The following AK4 variants were observed in gnomAD, a reference collection of about 807,000 sequenced individuals.
AK4 encodes adenylate kinase 4.
Under a neutral mutation model 24.6 loss-of-function variants are expected in AK4, and 13 were observed. The ratio of observed to expected loss-of-function variants is 0.53; its 90% confidence interval spans 0.34 to 0.84. AK4 has a LOEUF of 0.84. Among genes scored for constraint, AK4 ranks in the 40% least tolerant of loss-of-function variants. The pLI is 0.01. For missense variants in AK4, 192 were observed against 288.2 expected (o/e 0.67, Z 2.42); for synonymous variants, 88 against 107.0 (o/e 0.82, Z 1.10).
chr1:65,156,937 A>AAG (rs959013143), intron 1 of AK4, among the ~76,000 whole-genome samples: 10 of 151,970 alleles, frequency 6.6e-5, no homozygotes, highest in African/African-American at 2.4e-4. Context: ...AAAAAAAAAA[A>AAG]AAAGAAAGAA....
chr1:65,225,759 C>G (rs111320639), intron 4 of AK4, among the ~76,000 whole-genome samples: 29 of 152,078 alleles, frequency 1.9e-4, no homozygotes, highest in Non-Finnish European at 3.2e-4. Flanking sequence ...TTCAGTGGTT[C>G]GCTTTTGAAA....
chr1:65,224,713 A>G (rs1205895694), intron 3 of AK4, 39 bp from the exon 4 acceptor site: 9 of 1,554,300 alleles, frequency 5.8e-6, no homozygotes, highest in Admixed American at 1.7e-5. Context: ...AAATGGCCCA[A>G]CTGTTGTCTA....
intron 2 of AK4, 78 bp downstream of exon 2, chr1:65,190,907 G>T: frequency 1.4e-6 from 2 of 1,472,100 alleles, no homozygotes; most frequent in Non-Finnish European, 1.8e-6. Context: ...ACTTCTTACC[G>T]AATGGAAAAT....
rs1652649522 is a variant in AK4, at chr1:65,231,597, T to G, written c.*5420T>G. On this transcript the variant is annotated 3_prime_UTR_variant, in exon 5 of 5. Coordinates refer to ENST00000327299, the MANE Select transcript of AK4 (RefSeq NM_013410.4). The stretch of plus-strand genomic sequence containing the variant: ...ATTATTCTTGTCTTCATTTTAAAGC[T>G]TTGGCTATATAGTCAGAAATGTCCT... The G allele has an allele frequency of 6.6e-6, 1 of 152,200 alleles. No individual in the cohort carries two copies. Among genetic ancestry groups the G allele is most frequent in the Non-Finnish European group, 1.5e-5 (1 of 68,036 alleles). 9.4% of individuals were successfully genotyped at this position (152,200 alleles called of 1,614,324 possible).
intron 2 of AK4, among the ~76,000 whole-genome samples, chr1:65,201,305 C>T (rs533100181): frequency 4.6e-5 from 7 of 152,134 alleles, no homozygotes; most frequent in Admixed American, 2.0e-4. Context: ...GTCCTGCGTT[C>T]GTGTCCTCCA....
chr1:65,155,729 C>G (rs1255701365), intron 1 of AK4, among the ~76,000 whole-genome samples: 1 of 150,706 alleles, frequency 6.6e-6, no homozygotes, highest in African/African-American at 2.4e-5. Context: ...GTGGCGTGTT[C>G]TCGGCTCTTG....
intron 1 of AK4, among the ~76,000 whole-genome samples, chr1:65,173,486 C>T (rs933283558): frequency 1.3e-5 from 2 of 151,974 alleles, no homozygotes; most frequent in Non-Finnish European, 2.9e-5. Flanking sequence ...TTGCATACTT[C>T]CCTGTAATTT....
intron 1 of AK4, among the ~76,000 whole-genome samples, chr1:65,168,358 C>A (rs189730457): frequency 3.7e-4 from 57 of 152,220 alleles, no homozygotes; most frequent in Admixed American, 1.4e-3. Flanking sequence ...GTTGGTAAGT[C>A]TGGTCTTGAA....
chr1:65,176,384 A>G (rs1457253781), intron 1 of AK4, among the ~76,000 whole-genome samples: 1 of 152,288 alleles, frequency 6.6e-6, no homozygotes, highest in South Asian at 2.1e-4. Context: ...GGCCTCATGA[A>G]GCATTGGCCC....
At chr1:65,201,703 G>A (rs1332603220) in intron 2 of AK4, among the ~76,000 whole-genome samples, 2 of 152,144 alleles carry the variant, frequency 1.3e-5, no homozygotes, top group Non-Finnish European at 1.5e-5. Context: ...GATGGCTGGC[G>A]CAGAGAGGGA....
chr1:65,202,220 A>AC (rs34696356), intron 2 of AK4, among the ~76,000 whole-genome samples: 54,819 of 151,322 alleles, frequency 0.36, 10,289 homozygotes, highest in East Asian at 0.67. Context: ...ACACGGTGAG[A>AC]CCCCACCTCT....
chr1:65,188,308 T>C (rs1326415596), intron 1 of AK4, among the ~76,000 whole-genome samples: 1 of 151,664 alleles, frequency 6.6e-6, no homozygotes, highest in Non-Finnish European at 1.5e-5. Flanking sequence ...GGCAGGAGAA[T>C]CGCTTGAACC....
chr1:65,230,759 G>A lies in AK4; in HGVS notation c.*4582G>A, dbSNP rs921099846. On this transcript the variant is annotated 3_prime_UTR_variant, in exon 5 of 5. Coordinates refer to ENST00000327299, the MANE Select transcript of AK4 (RefSeq NM_013410.4). ...GCCTGGAATCTGTTTTTGGTGCTTT[G>A]GTGCAGAGACAGGAAATGGGCACTC... 3.3e-5 allele frequency: 5 copies of A among 152,100 alleles called. No individual in the cohort carries two copies. Among genetic ancestry groups the A allele is most frequent in the African/African-American group, 7.2e-5 (3 of 41,390 alleles). 9.4% of individuals were successfully genotyped at this position (152,100 alleles called of 1,614,324 possible).
At chr1:65,161,496 C>A (rs1650164069) in intron 1 of AK4, among the ~76,000 whole-genome samples, 1 of 152,108 alleles carries the variant, frequency 6.6e-6, no homozygotes, top group Non-Finnish European at 1.5e-5. Flanking sequence ...GCCTGTAATG[C>A]CTTTCACACT....
At chr1:65,197,422 AAATGT>A in intron 2 of AK4, among the ~76,000 whole-genome samples, 1 of 152,372 alleles carries the variant, frequency 6.6e-6, no homozygotes, top group Non-Finnish European at 1.5e-5. Context: ...ATTGTAAATG[AAATGT>A]AATTTAATCC....
rs935786439 is a variant in AK4 at position 65,217,170 on chromosome 1, C to T, written c.266-1584C>T. 7.9e-5 allele frequency among the ~76,000 whole-genome samples: 12 copies of T among 152,300 alleles called. 3 individuals carry two copies. On this transcript the variant is annotated intron_variant, in intron 2 of 4. Transcript: ENST00000327299. ...TTGGAGAGTTAGCAAGCAATAGGTA[C>T]CTGAAGCAGTGGCGTGGGTGGATTT...
chr1:65,148,291 G>T lies in AK4; in HGVS notation c.-117G>T. 1 of 1,393,738 alleles carries T rather than the reference G, an allele frequency of 7.2e-7. No homozygotes were observed. The highest frequency in any genetic ancestry group is 2.6e-5 in the East Asian group (1 of 38,882). 86.3% of individuals were successfully genotyped at this position (1,393,738 alleles called of 1,614,324 possible). ...TTCCCCCTGTAGGGGCGGCCGGCGAGTCCCAGTGAGAGCGGAGGGTGCCAG... is the reference window on the plus strand; with the variant it reads ...TTCCCCCTGTAGGGGCGGCCGGCGATTCCCAGTGAGAGCGGAGGGTGCCAG... On this transcript the variant is annotated 5_prime_UTR_variant, in exon 1 of 5. Coordinates refer to ENST00000327299, the MANE Select transcript of AK4 (RefSeq NM_013410.4).
intron 1 of AK4, among the ~76,000 whole-genome samples, chr1:65,184,491 A>G (rs760307433): frequency 5.3e-5 from 8 of 152,202 alleles, no homozygotes; most frequent in African/African-American, 2.4e-5. Flanking sequence ...TATATTTATT[A>G]CATTTATTTG....
chr1:65,211,156 A>G (rs12561779), intron 2 of AK4, among the ~76,000 whole-genome samples: 56,555 of 152,130 alleles, frequency 0.37, 10,910 homozygotes, highest in East Asian at 0.67. Flanking sequence ...AAGCTGAGGC[A>G]ACAGGATTGT....
Sources: gnomAD v4.1 joint callset for allele counts (sites outside exome capture counted in the v4.1 genomes callset) on GRCh38, gnomAD v4.1.1 for gene constraint, MANE v1.5 for transcripts, NCBI Gene and HGNC (gene_info 2026-07-23, HGNC 2026-07-21) for gene names.